The following SCN2A variants were observed in gnomAD, a reference collection of about 807,000 sequenced individuals.
SCN2A encodes the protein sodium voltage-gated channel alpha subunit 2, also known as sodium channel protein type 2 subunit alpha.
Under a neutral mutation model 188.7 loss-of-function variants are expected in SCN2A, and 20 were observed. The ratio of observed to expected loss-of-function variants is 0.11; its 90% CI spans 0.07 to 0.15. SCN2A has a LOEUF of 0.15. Among genes scored for constraint, SCN2A ranks in the 10% least tolerant of loss-of-function variants. SCN2A has a pLI of 1.00. For missense variants in SCN2A, 1,278 were observed against 2,445.0 expected, an observed-to-expected ratio of 0.52 and a Z score of 10.07; for synonymous variants, 804 against 833.1, an observed-to-expected ratio of 0.97 and a Z score of 0.60.
At chr2:165,375,817 ACG>A (rs1188554912) in intron 22 of SCN2A, among the ~76,000 whole-genome samples, 3 of 151,712 alleles carry the variant, frequency 2.0e-5, no homozygotes, top group African/African-American at 7.3e-5. Flanking sequence ...GTGTGTATAC[ACG>A]CACACACACA....
intron 25 of SCN2A, 132 bp from the exon 26 acceptor site, chr2:165,386,613 TG>T: frequency 4.2e-6 from 4 of 952,266 alleles, no homozygotes; most frequent in Admixed American, 2.8e-5. Context: ...TTTTTTTTTT[TG>T]TAAAATGTTG....
At chr2:165,379,606 T>C (rs1574728343) in intron 23 of SCN2A, among the ~76,000 whole-genome samples, 1 of 150,490 alleles carries the variant, frequency 6.6e-6, no homozygotes, top group African/African-American at 2.5e-5. Flanking sequence ...GTATATTGTC[T>C]TTTAAAAATT....
chr2:165,306,966 A>G (rs192348601), intron 3 of SCN2A, among the ~76,000 whole-genome samples: 1 of 152,280 alleles, frequency 6.6e-6, no homozygotes, highest in Admixed American at 6.5e-5. Context: ...AGTCATTACT[A>G]TTATCTGATA....
At chr2:165,342,997 A>C (rs1699393585) in intron 15 of SCN2A, among the ~76,000 whole-genome samples, 1 of 152,200 alleles carries the variant, frequency 6.6e-6, no homozygotes, top group African/African-American at 2.4e-5. Flanking sequence ...TCTTTGAAAG[A>C]GTTAACTGTA....
At chr2:165,368,387 T>G (rs1262462782) in intron 19 of SCN2A, among the ~76,000 whole-genome samples, 1 of 152,180 alleles carries the variant, frequency 6.6e-6, no homozygotes. Context: ...AACATTTAAG[T>G]GAGAAAACAG....
In SCN2A at chr2:165,251,020, C is replaced by T. The variant is rs748161492; in HGVS notation, c.-52+11380C>T. ...TTAATATAATATTAAATATATTTTA[C>T]AACTCAAAACATTCTAAAAGATGTG... is the stretch of plus-strand genomic sequence containing the variant. On this transcript the variant is annotated intron_variant, in intron 1 of 26. Coordinates refer to ENST00000375437, the MANE Select transcript of SCN2A (RefSeq NM_001040142.2). Among the ~76,000 whole-genome samples the T allele has an allele frequency of 1.6e-4, 24 of 152,018 alleles. 1 individual carries two copies. The highest frequency in any genetic ancestry group is 3.2e-4 in the Non-Finnish European group (22 of 67,972).
Position 165,374,985 on chromosome 2 carries a change from A to G in SCN2A, c.4254+19A>G, listed in dbSNP as rs1208705219. The stretch of plus-strand genomic sequence containing the variant: ...TCAAGTAGTAAGTAATCACTTTATT[A>G]TTTTCCATGATGTGTAATTAAAATG... On this transcript the variant is annotated intron_variant, in intron 22 of 26. Transcript: ENST00000375437. The G allele has an allele frequency of 3.1e-6, 5 of 1,604,366 alleles. No homozygotes were observed. The highest frequency in any genetic ancestry group is 1.7e-6 in the Non-Finnish European group (2 of 1,172,096).
chr2:165,344,976 C>A (rs960268106), intron 16 of SCN2A, 65 bp downstream of exon 16: 3 of 1,594,116 alleles, frequency 1.9e-6, no homozygotes, highest in South Asian at 1.1e-5. Flanking sequence ...AAAGTGTGTT[C>A]AACTGAAGAA....
intron 19 of SCN2A, 58 bp downstream of exon 19, chr2:165,367,429 T>A: frequency 6.4e-7 from 1 of 1,557,126 alleles, no homozygotes; most frequent in Non-Finnish European, 8.9e-7. Context: ...CCCTTTCCCT[T>A]CAATCAACTC....
At chr2:165,311,320 C>T (rs1215108510) in intron 7 of SCN2A, among the ~76,000 whole-genome samples, 1 of 151,964 alleles carries the variant, frequency 6.6e-6, no homozygotes, top group Non-Finnish European at 1.5e-5. Flanking sequence ...CATGTGTGTG[C>T]ATGTTTTCTG....
intron 1 of SCN2A, among the ~76,000 whole-genome samples, chr2:165,263,385 C>A (rs986671935): frequency 1.3e-5 from 2 of 151,980 alleles, no homozygotes; most frequent in African/African-American, 4.8e-5. Context: ...GTTCTTGATC[C>A]CTCTTGAATT....
At chr2:165,381,861 C>G (rs1701620742) in intron 25 of SCN2A, among the ~76,000 whole-genome samples, 1 of 151,964 alleles carries the variant, frequency 6.6e-6, no homozygotes. Context: ...TCCTGAAGGA[C>G]TAGCTCATAT....
intron 16 of SCN2A, among the ~76,000 whole-genome samples, chr2:165,349,240 G>T (rs1699762893): frequency 6.6e-6 from 1 of 152,204 alleles, no homozygotes; most frequent in African/African-American, 2.4e-5. Context: ...TGATCAGACA[G>T]CAATGGGGAA....
rs766277354 is a variant in SCN2A at position 165,374,820 on chromosome 2, A to G, written c.4108A>G (p.Thr1370Ala). The G allele has an allele frequency of 1.9e-6, 3 of 1,613,616 alleles. No homozygotes were observed. The highest frequency in any genetic ancestry group is 2.2e-5 in the South Asian group (2 of 91,070). ...CAAGTTTTACCATTGTATTAATTAC[A>G]CCACTGGAGAGATGTTTGATGTAAG... ...AGKFYHCINYTTGEMFDVSVV... is the reference protein window; with the variant it reads ...AGKFYHCINYATGEMFDVSVV... The change falls in exon 22 of 27, where the codon ACC becomes GCC. Residue 1370 changes from threonine to alanine, a missense_variant. Thr to Ala is a moderately conservative substitution (Grantham distance 58, BLOSUM62 0). This residue lies in a region of SCN2A where 32 missense variants were observed against 42.5 expected (regional missense o/e 0.75). Coordinates refer to ENST00000375437, the MANE Select transcript of SCN2A (RefSeq NM_001040142.2).
chr2:165,247,102 C>A (rs925410994), intron 1 of SCN2A, among the ~76,000 whole-genome samples: 1 of 152,094 alleles, frequency 6.6e-6, no homozygotes, highest in Non-Finnish European at 1.5e-5. Flanking sequence ...CTGTTTCTAT[C>A]TAAAATCATT....
chr2:165,374,660 A>AT (rs779160372), intron 21 of SCN2A, 25 bp from the exon 22 acceptor site: 1 of 1,610,440 alleles, frequency 6.2e-7, no homozygotes, highest in Non-Finnish European at 8.5e-7. Context: ...CTTTTCACTT[A>AT]TTTTTCCTTC....
At chr2:165,378,940 A>C (rs1282158660) in intron 23 of SCN2A, among the ~76,000 whole-genome samples, 1 of 151,856 alleles carries the variant, frequency 6.6e-6, no homozygotes, top group Non-Finnish European at 1.5e-5. Context: ...AATACCAAAA[A>C]GTCTGACAAT....
At chr2:165,300,812 G>A (rs928208910) in intron 3 of SCN2A, among the ~76,000 whole-genome samples, 2 of 152,110 alleles carry the variant, frequency 1.3e-5, no homozygotes, top group African/African-American at 4.8e-5. Flanking sequence ...GACTCCAGGA[G>A]GGTTTTCAGT....
intron 16 of SCN2A, among the ~76,000 whole-genome samples, chr2:165,347,810 G>A (rs926463289): frequency 5.9e-5 from 9 of 152,240 alleles, no homozygotes; most frequent in South Asian, 2.1e-4. Context: ...CAATAGGAAG[G>A]TTGATCAGGG....
Sources: allele counts gnomAD v4.1 joint callset (sites outside exome capture counted in the v4.1 genomes callset), GRCh38; gene constraint gnomAD v4.1.1; regional missense constraint gnomAD v4.1.1; transcripts MANE v1.5; gene names NCBI Gene and HGNC (gene_info 2026-07-23, HGNC 2026-07-21).